ZFPM2: variants seen among roughly 807,000 people sequenced by gnomAD.
The protein encoded by ZFPM2 is zinc finger protein, FOG family member 2, also known as zinc finger protein ZFPM2.
In ZFPM2, 20 loss-of-function variants were observed where a neutral mutation model predicts 98.6. The observed-to-expected ratio is 0.20, with a 90% CI of 0.14 to 0.29. The LOEUF (loss-of-function observed/expected upper bound fraction) is 0.29. Ranked by LOEUF, ZFPM2 falls within the 10% of genes least tolerant of loss-of-function variation. ZFPM2 has a pLI of 1.00. For missense variants in ZFPM2, 1,310 were observed against 1,388.6 expected (o/e 0.94, Z 0.90); for synonymous variants, 518 against 502.7 (o/e 1.03, Z -0.41).
chr8:105,676,761 C>T (rs1279204532), intron 5 of ZFPM2, among the ~76,000 whole-genome samples: 2 of 151,884 alleles, frequency 1.3e-5, no homozygotes, highest in Non-Finnish European at 2.9e-5. Flanking sequence ...AAATTTCATG[C>T]TTCACTATGA....
At chr8:105,321,929 G>C (rs1812033283) in intron 1 of ZFPM2, among the ~76,000 whole-genome samples, 1 of 152,146 alleles carries the variant, frequency 6.6e-6, no homozygotes, top group Non-Finnish European at 1.5e-5. Flanking sequence ...TCCTTGATTA[G>C]ACTGCCTGGA....
intron 5 of ZFPM2, among the ~76,000 whole-genome samples, chr8:105,637,684 G>A (rs1414654594): frequency 2.0e-5 from 3 of 151,890 alleles, no homozygotes; most frequent in Non-Finnish European, 2.9e-5. Flanking sequence ...ATTTTACTAG[G>A]GATTGTTTGG....
intron 3 of ZFPM2, among the ~76,000 whole-genome samples, chr8:105,552,032 TA>T (rs1814866877): frequency 6.6e-6 from 1 of 152,156 alleles, no homozygotes; most frequent in African/African-American, 2.4e-5. Flanking sequence ...ACGTGTTGAC[TA>T]AATAAATAAA....
intron 5 of ZFPM2, among the ~76,000 whole-genome samples, chr8:105,640,279 A>T (rs1816926188): frequency 6.6e-6 from 1 of 151,680 alleles, no homozygotes. Flanking sequence ...TTCTTTGCAA[A>T]TTTGCATACA....
At chr8:105,735,027 A>G (rs1288586040) in intron 5 of ZFPM2, among the ~76,000 whole-genome samples, 2 of 149,410 alleles carry the variant, frequency 1.3e-5, no homozygotes, top group African/African-American at 2.4e-5. Flanking sequence ...TGTGAAAGTT[A>G]TTGCAGTTTT....
At chr8:105,703,515 G>GT (rs148476197) in intron 5 of ZFPM2, among the ~76,000 whole-genome samples, 6 of 151,960 alleles carry the variant, frequency 3.9e-5, no homozygotes, top group Middle Eastern at 3.4e-3. Flanking sequence ...TTGTTGTTTT[G>GT]TTTTTTTTAA....
chr8:105,800,258 C>A (rs1397822344), intron 7 of ZFPM2, among the ~76,000 whole-genome samples: 2 of 152,102 alleles, frequency 1.3e-5, no homozygotes, highest in African/African-American at 4.8e-5. Flanking sequence ...ATAAGCCAAG[C>A]CTGATTTTAC....
intron 1 of ZFPM2, among the ~76,000 whole-genome samples, chr8:105,380,299 T>A (rs561826321): frequency 6.6e-6 from 1 of 151,980 alleles, no homozygotes; most frequent in South Asian, 2.1e-4. Context: ...GTTGAGTTCC[T>A]GTTTGTGACT....
chr8:105,751,635 A>G (rs1189324806), intron 5 of ZFPM2, among the ~76,000 whole-genome samples: 2 of 152,074 alleles, frequency 1.3e-5, no homozygotes, highest in South Asian at 2.1e-4. Context: ...TATTGAGATA[A>G]CATTTTAAAA....
chr8:105,352,554 G>A (rs1380569878), intron 1 of ZFPM2, among the ~76,000 whole-genome samples: 3 of 150,546 alleles, frequency 2.0e-5, no homozygotes, highest in Non-Finnish European at 2.9e-5. Flanking sequence ...CTTTTGGCAC[G>A]ACTAAAAGAC....
intron 1 of ZFPM2, among the ~76,000 whole-genome samples, chr8:105,410,027 A>G (rs1811544132): frequency 6.6e-6 from 1 of 151,926 alleles, no homozygotes. Flanking sequence ...TTAATTGCAT[A>G]GGAAAAGAAT....
chr8:105,685,598 T>G (rs1201639561), intron 5 of ZFPM2: 1 of 152,094 alleles, frequency 6.6e-6, no homozygotes, highest in Non-Finnish European at 1.5e-5. Flanking sequence ...AATGCCCTAG[T>G]ATCTTTGTTT....
intron 5 of ZFPM2, among the ~76,000 whole-genome samples, chr8:105,659,999 TACTA>T (rs1817357213): frequency 6.6e-6 from 1 of 152,218 alleles, no homozygotes. Flanking sequence ...TTTATCCTGA[TACTA>T]ACAAAGAGTT....
intron 1 of ZFPM2, among the ~76,000 whole-genome samples, chr8:105,412,274 A>T (rs1811591554): frequency 6.6e-6 from 1 of 151,806 alleles, no homozygotes; most frequent in Non-Finnish European, 1.5e-5. Context: ...ATTCTCTAAT[A>T]TCTTTTTTTG....
chr8:105,583,963 G>T (rs1264214269), intron 4 of ZFPM2, among the ~76,000 whole-genome samples: 1 of 152,110 alleles, frequency 6.6e-6, no homozygotes, highest in Admixed American at 6.5e-5. Context: ...TAGAATGTTC[G>T]TGATAAGATG....
chr8:105,542,964 C>G (rs1814611979), intron 3 of ZFPM2, among the ~76,000 whole-genome samples: 1 of 152,012 alleles, frequency 6.6e-6, no homozygotes, highest in South Asian at 2.1e-4. Flanking sequence ...AAAATAACTT[C>G]TTGTTCTCAG....
intron 3 of ZFPM2, among the ~76,000 whole-genome samples, chr8:105,516,807 C>T (rs1319131240): frequency 6.6e-6 from 1 of 152,106 alleles, no homozygotes; most frequent in Non-Finnish European, 1.5e-5. Context: ...CAGCACCGTT[C>T]CAGAGTATTG....
chr8:105,549,301 G>A, intron 3 of ZFPM2, among the ~76,000 whole-genome samples: 1 of 152,192 alleles, frequency 6.6e-6, no homozygotes, highest in Non-Finnish European at 1.5e-5. Context: ...TGGGCATGCT[G>A]AATGTGTGAT....
At chr8:105,627,284 T>G (rs773879127) in intron 4 of ZFPM2, among the ~76,000 whole-genome samples, 3 of 152,268 alleles carry the variant, frequency 2.0e-5, no homozygotes, top group Admixed American at 6.5e-5. Context: ...GAAATGACAC[T>G]TTTGACCCAT....
Sources: allele counts gnomAD v4.1 joint callset (sites outside exome capture counted in the v4.1 genomes callset), GRCh38; gene constraint gnomAD v4.1.1; transcripts MANE v1.5; gene names NCBI Gene and HGNC (gene_info 2026-07-23, HGNC 2026-07-21).